Variants in TRAPPC9 observed in about 807,000 individuals in gnomAD.
The protein encoded by TRAPPC9 is trafficking protein particle complex subunit 9.
In TRAPPC9, 83 loss-of-function variants were observed where a neutral mutation model predicts 124.0. That is an observed-to-expected ratio of 0.67 (90% CI 0.56 to 0.80). The LOEUF (loss-of-function observed/expected upper bound fraction) is 0.80. Among genes scored for constraint, TRAPPC9 ranks in the 30% least tolerant of loss-of-function variants. The pLI, the probability that TRAPPC9 is intolerant of heterozygous loss-of-function variation, is 0.00. For synonymous variants in TRAPPC9, 638 were observed against 617.5 expected, an observed-to-expected ratio of 1.03 and a Z score of -0.49; for missense variants, 1,302 against 1,508.3, an observed-to-expected ratio of 0.86 and a Z score of 2.27.
intron 2 of TRAPPC9, among the ~76,000 whole-genome samples, chr8:140,449,945 T>C (rs528819731): frequency 6.6e-6 from 1 of 152,386 alleles, no homozygotes; most frequent in East Asian, 1.9e-4. Flanking sequence ...TTTCAGTTTC[T>C]AGTTGCCACA....
At chr8:139,736,943 G>C (rs969620120) in intron 21 of TRAPPC9, among the ~76,000 whole-genome samples, 1 of 152,192 alleles carries the variant, frequency 6.6e-6, no homozygotes, top group African/African-American at 2.4e-5. Context: ...GAGGAGAGAA[G>C]AGAAGCCAGG....
At chr8:140,319,895 G>A (rs1265298771) in intron 9 of TRAPPC9, among the ~76,000 whole-genome samples, 2 of 152,222 alleles carry the variant, frequency 1.3e-5, no homozygotes, top group African/African-American at 4.8e-5. Context: ...ACACTGGCTT[G>A]AAAACCAGTG....
intron 10 of TRAPPC9, among the ~76,000 whole-genome samples, chr8:140,307,262 A>G (rs1249749503): frequency 6.6e-6 from 1 of 152,204 alleles, no homozygotes; most frequent in Non-Finnish European, 1.5e-5. Flanking sequence ...TAAAGCCAAC[A>G]CTGCAGCGGA....
intron 2 of TRAPPC9, among the ~76,000 whole-genome samples, chr8:140,439,641 C>T (rs1450200855): frequency 6.6e-6 from 1 of 152,214 alleles, no homozygotes; most frequent in Admixed American, 6.5e-5. Flanking sequence ...AGACGTTCAT[C>T]CTCGCTATTT....
rs547584141 is a variant in TRAPPC9 at position 139,875,481 on chromosome 8, T to C, written c.3055+10398A>G. Among the ~76,000 whole-genome samples the C allele has an allele frequency of 4.6e-5, 7 of 152,250 alleles. No homozygotes were observed. In the East Asian group the frequency reaches 5.8e-4, roughly 13 times the overall value. On this transcript the variant is annotated intron_variant, in intron 21 of 22. Coordinates refer to ENST00000438773, the MANE Select transcript of TRAPPC9 (RefSeq NM_001160372.4). The stretch of plus-strand genomic sequence containing the variant: ...GAATATAGGTTGTTTTCATTTTTTT[T>C]CCCCCTTCAAAAAGAAGGTAACTAC...
intron 17 of TRAPPC9, among the ~76,000 whole-genome samples, chr8:140,038,542 G>A (rs1439806554): frequency 6.6e-6 from 1 of 152,212 alleles, no homozygotes; most frequent in Non-Finnish European, 1.5e-5. Flanking sequence ...GTGTGTGGAT[G>A]GATGAGTGGC....
At chr8:140,117,486 C>G (rs2060910494) in intron 17 of TRAPPC9, among the ~76,000 whole-genome samples, 1 of 152,172 alleles carries the variant, frequency 6.6e-6, no homozygotes, top group Non-Finnish European at 1.5e-5. Flanking sequence ...GAAGGACACG[C>G]TGGTTCCTCA....
intron 18 of TRAPPC9, among the ~76,000 whole-genome samples, chr8:139,993,666 C>T (rs116519185): frequency 0.016 from 2,379 of 152,220 alleles, 52 homozygotes; most frequent in African/African-American, 0.053. Flanking sequence ...TACAGACATA[C>T]AATGGTAGAG....
intron 17 of TRAPPC9, among the ~76,000 whole-genome samples, chr8:140,193,681 C>A (rs2062557123): frequency 6.7e-6 from 1 of 148,386 alleles, no homozygotes; most frequent in South Asian, 2.1e-4. Flanking sequence ...GCTAGAAAGT[C>A]CACTGGAAAG....
At chr8:140,039,112 A>G (rs1195018658) in intron 17 of TRAPPC9, among the ~76,000 whole-genome samples, 1 of 152,242 alleles carries the variant, frequency 6.6e-6, no homozygotes, top group African/African-American at 2.4e-5. Context: ...GCCCTACGCT[A>G]CTGTACCTTC....
At chr8:140,167,091 A>G (rs1051542316) in intron 17 of TRAPPC9, among the ~76,000 whole-genome samples, 2 of 152,096 alleles carry the variant, frequency 1.3e-5, no homozygotes, top group Non-Finnish European at 2.9e-5. Flanking sequence ...TATTTTCACA[A>G]TGGTACCAGG....
At chr8:140,141,515 G>C (rs1006526534) in intron 17 of TRAPPC9, among the ~76,000 whole-genome samples, 2 of 152,186 alleles carry the variant, frequency 1.3e-5, no homozygotes, top group African/African-American at 4.8e-5. Flanking sequence ...GGGGACGACT[G>C]TATGTCTCTG....
At chr8:140,349,141 C>T (rs2067444420) in intron 9 of TRAPPC9, among the ~76,000 whole-genome samples, 1 of 110,354 alleles carries the variant, frequency 9.1e-6, no homozygotes, top group Admixed American at 1.0e-4. Flanking sequence ...AAGGGAAGGG[C>T]ACACAGCGGG....
At position 140,097,748 on chromosome 8, in the gene TRAPPC9, G is replaced by C. The variant is rs1329776628; in HGVS notation, c.2557-73669C>G. The C allele has an allele frequency of 1.3e-5, 2 of 152,180 alleles. No homozygotes were observed. The highest frequency in any genetic ancestry group is 4.8e-5 in the African/African-American group (2 of 41,420). 9.4% of individuals were successfully genotyped at this position (152,180 alleles called of 1,614,324 possible). On this transcript the variant is annotated intron_variant, in intron 17 of 22. Transcript: ENST00000438773. This position sits in a 1 kb window ranked among gnomAD's most constrained non-coding sequence, Gnocchi z 4.2. ...GGTGCACAACCACAGGCGCGCTGCA[G>C]TCGGCAGAGTGAGGAGCCTGCCTGG...
intron 17 of TRAPPC9, among the ~76,000 whole-genome samples, chr8:140,109,411 G>C (rs923871072): frequency 6.6e-6 from 1 of 152,104 alleles, no homozygotes; most frequent in Non-Finnish European, 1.5e-5. Flanking sequence ...TTATCATCTA[G>C]GAGGGTCAAG....
chr8:140,434,947 G>C (rs2132603280), intron 4 of TRAPPC9, among the ~76,000 whole-genome samples, 165 bp downstream of exon 4: 1 of 151,186 alleles, frequency 6.6e-6, no homozygotes. Flanking sequence ...TCCAGCCCGG[G>C]CAACAGTGCA....
chr8:139,884,213 G>A (rs1040089738), intron 21 of TRAPPC9, among the ~76,000 whole-genome samples: 1 of 151,914 alleles, frequency 6.6e-6, no homozygotes, highest in Non-Finnish European at 1.5e-5. Context: ...AGGGCAGTTC[G>A]TGCCCTGGGA....
chr8:140,102,886 A>T (rs947309738), intron 17 of TRAPPC9, among the ~76,000 whole-genome samples: 2 of 152,180 alleles, frequency 1.3e-5, no homozygotes, highest in African/African-American at 4.8e-5. Flanking sequence ...GGGCAGGATA[A>T]AGCTCAACCC....
intron 21 of TRAPPC9, among the ~76,000 whole-genome samples, chr8:139,796,052 G>A (rs559259832): frequency 2.8e-5 from 4 of 141,010 alleles, no homozygotes; most frequent in African/African-American, 1.2e-4. Context: ...GGAGAAGGAG[G>A]AGGAAGAGGA....
Sources: allele counts gnomAD v4.1 joint callset (sites outside exome capture counted in the v4.1 genomes callset), GRCh38; gene constraint gnomAD v4.1.1; non-coding constraint Gnocchi (gnomAD v3.1); transcripts MANE v1.5; gene names NCBI Gene and HGNC (gene_info 2026-07-23, HGNC 2026-07-21).